Variants in AOPEP observed in about 807,000 individuals in gnomAD.
The protein encoded by AOPEP is aminopeptidase O.
A neutral mutation model predicts 98.1 loss-of-function variants in AOPEP; 77 were observed. The observed-to-expected ratio is 0.78, with a 90% CI of 0.65 to 0.95. AOPEP has a LOEUF of 0.95. AOPEP is among the 40% of genes least tolerant of loss of function. The probability of loss-of-function intolerance (pLI) is 0.00; values close to 1 mark genes in which losing one functional copy is unlikely to be tolerated. For missense variants in AOPEP, 1,024 were observed against 1,024.7 expected (o/e 1.00, Z 0.01); for synonymous variants, 346 against 365.3 (o/e 0.95, Z 0.60).
intron 3 of AOPEP, among the ~76,000 whole-genome samples, chr9:94,789,667 G>C (rs1367328867): frequency 6.6e-6 from 1 of 152,160 alleles, no homozygotes; most frequent in Non-Finnish European, 1.5e-5. Flanking sequence ...GGGAGAGGTG[G>C]AGTCCCTATA....
At chr9:95,015,619 A>G (rs894745822) in intron 13 of AOPEP, among the ~76,000 whole-genome samples, 34 of 152,192 alleles carry the variant, frequency 2.2e-4, no homozygotes, top group African/African-American at 6.8e-4. Flanking sequence ...ATAGAAGACA[A>G]TTGAATCACA....
At position 94,835,287 on chromosome 9, in the gene AOPEP, G is replaced by A. The variant is rs538054055; in HGVS notation, c.1364+34285G>A. Among the ~76,000 whole-genome samples the A allele has an allele frequency of 2.0e-5, 3 of 152,244 alleles. No homozygotes were observed. In the South Asian group the frequency reaches 6.2e-4, roughly 32 times the overall value. On this transcript the variant is annotated intron_variant, in intron 5 of 16. Coordinates refer to ENST00000375315, the MANE Select transcript of AOPEP (RefSeq NM_001193329.3). ...AGTAATTTTTTCCCCAAAACAATGA[G>A]TACTTTGACTCTGTACTAAGGATAG...
At chr9:95,024,792 A>G (rs934842189) in intron 13 of AOPEP, among the ~76,000 whole-genome samples, 1 of 152,138 alleles carries the variant, frequency 6.6e-6, no homozygotes, top group African/African-American at 2.4e-5. Flanking sequence ...CTTCCACAGC[A>G]TTTCACTTTT....
intron 4 of AOPEP, 50 bp downstream of exon 4, chr9:94,792,968 G>T (rs200713635): frequency 2.5e-4 from 388 of 1,529,726 alleles, no homozygotes; most frequent in Non-Finnish European, 3.2e-4. Flanking sequence ...AACACTTGAG[G>T]GAGCGGTATG....
At chr9:94,739,844 A>G (rs1324171473) in intron 1 of AOPEP, among the ~76,000 whole-genome samples, 1 of 152,100 alleles carries the variant, frequency 6.6e-6, no homozygotes, top group Middle Eastern at 3.4e-3. Flanking sequence ...ACTAGTGGAG[A>G]CTGAGGAAAT....
chr9:95,136,403 C>T, the AOPEP span, among the ~76,000 whole-genome samples: 1 of 151,758 alleles, frequency 6.6e-6, no homozygotes, highest in Non-Finnish European at 1.5e-5. Flanking sequence ...AATCCAATTT[C>T]ATATATGGTA....
At chr9:95,118,977 G>A in the AOPEP span, among the ~76,000 whole-genome samples, 1 of 152,146 alleles carries the variant, frequency 6.6e-6, no homozygotes, top group African/African-American at 2.4e-5. Flanking sequence ...GTTTAACATC[G>A]TAAGGCCATA....
intron 7 of AOPEP, among the ~76,000 whole-genome samples, chr9:94,951,355 TG>T (rs200018849): frequency 6.6e-6 from 1 of 152,114 alleles, no homozygotes; most frequent in Non-Finnish European, 1.5e-5. Context: ...ACCTGGATCT[TG>T]GGGGGGCCCC....
At chr9:95,101,313 T>C in the AOPEP span, 2 of 337,840 alleles carry the variant, frequency 5.9e-6, no homozygotes, top group African/African-American at 4.1e-5. Flanking sequence ...CTAAATTCTT[T>C]AATGGTTCAT....
At chr9:94,898,721 A>G (rs1027362052) in intron 5 of AOPEP, among the ~76,000 whole-genome samples, 14 of 151,410 alleles carry the variant, frequency 9.2e-5, no homozygotes, top group East Asian at 2.0e-4. Context: ...AGGCGGGTGG[A>G]TCATGAGGTC....
intron 2 of AOPEP, 76 bp downstream of exon 2, chr9:94,760,656 C>A: frequency 8.2e-7 from 1 of 1,218,492 alleles, no homozygotes; most frequent in Non-Finnish European, 1.1e-6. Flanking sequence ...AACATGAGAC[C>A]GGCTCTGCAG....
At chr9:94,764,279 G>A (rs1238524012) in intron 2 of AOPEP, among the ~76,000 whole-genome samples, 8 of 152,178 alleles carry the variant, frequency 5.3e-5, no homozygotes, top group South Asian at 4.1e-4. Context: ...TTCTGAAAAC[G>A]AATAAGGTCA....
intron 5 of AOPEP, among the ~76,000 whole-genome samples, chr9:94,835,159 A>C (rs1216398266): frequency 6.6e-6 from 1 of 152,148 alleles, no homozygotes; most frequent in African/African-American, 2.4e-5. Flanking sequence ...TTTTGGAATA[A>C]CTTTCCCTTC....
chr9:95,079,120 C>T (rs372541532), intron 14 of AOPEP, among the ~76,000 whole-genome samples: 1 of 152,230 alleles, frequency 6.6e-6, no homozygotes. Context: ...GCCTGGCTGC[C>T]TGCGAGCCCA....
intron 13 of AOPEP, among the ~76,000 whole-genome samples, chr9:95,051,492 A>G (rs959168681): frequency 1.6e-4 from 25 of 152,148 alleles, no homozygotes; most frequent in African/African-American, 6.0e-4. Context: ...AGATCTTTCT[A>G]AGACATACAG....
chr9:94,925,191 A>G (rs150549089), intron 6 of AOPEP, among the ~76,000 whole-genome samples: 1,591 of 152,264 alleles, frequency 0.01, 33 homozygotes, highest in African/African-American at 0.036. Flanking sequence ...GGGTTTCGCC[A>G]TATTGGCCAG....
At chr9:94,887,098 T>G (rs2135974840) in intron 5 of AOPEP, among the ~76,000 whole-genome samples, 1 of 152,168 alleles carries the variant, frequency 6.6e-6, no homozygotes, top group South Asian at 2.1e-4. Flanking sequence ...CCCAGCACTT[T>G]GGGAGGCCAA....
intron 5 of AOPEP, among the ~76,000 whole-genome samples, chr9:94,872,173 A>C (rs1015708411): frequency 1.3e-5 from 2 of 152,162 alleles, no homozygotes; most frequent in African/African-American, 4.8e-5. Context: ...TATATGAATA[A>C]GTGATCCTAC....
intron 13 of AOPEP, among the ~76,000 whole-genome samples, chr9:95,010,693 C>T (rs1442500142): frequency 8.5e-5 from 13 of 152,162 alleles, no homozygotes; most frequent in Admixed American, 2.6e-4. Flanking sequence ...TCTAGTGAGT[C>T]ACGGCTCTTG....
Sources: gnomAD v4.1 joint callset for allele counts (sites outside exome capture counted in the v4.1 genomes callset) on GRCh38, gnomAD v4.1.1 for gene constraint, MANE v1.5 for transcripts, NCBI Gene and HGNC (gene_info 2026-07-23, HGNC 2026-07-21) for gene names.